The following RIMS2 variants were observed in gnomAD, a reference collection of about 807,000 sequenced individuals.
RIMS2 encodes the protein regulating synaptic membrane exocytosis 2.
In RIMS2, 59 loss-of-function variants were observed where a neutral mutation model predicts 174.4. The ratio of observed to expected loss-of-function variants is 0.34; its 90% CI spans 0.27 to 0.42. The LOEUF (loss-of-function observed/expected upper bound fraction) is 0.42, where lower values mean the gene tolerates loss of function less well. Among genes scored for constraint, RIMS2 ranks in the 10% least tolerant of loss-of-function variants. RIMS2 has a pLI of 1.00. For synonymous variants in RIMS2, 606 were observed against 572.5 expected (o/e 1.06, Z -0.84); for missense variants, 1,620 against 1,666.3 (o/e 0.97, Z 0.48).
At chr8:104,041,122 A>G (rs2096601173) in intron 19 of RIMS2, among the ~76,000 whole-genome samples, 1 of 151,686 alleles carries the variant, frequency 6.6e-6, no homozygotes, top group South Asian at 2.1e-4. Context: ...CCGCTAACCT[A>G]TAGTAACAAA....
chr8:103,863,814 A>G (rs1359283527), intron 3 of RIMS2, among the ~76,000 whole-genome samples: 2 of 149,880 alleles, frequency 1.3e-5, no homozygotes, highest in Admixed American at 6.6e-5. Flanking sequence ...TTCTGATTTG[A>G]GTCTTCTTTT....
At chr8:103,647,774 C>T (rs2096369492) in intron 1 of RIMS2, among the ~76,000 whole-genome samples, 1 of 150,660 alleles carries the variant, frequency 6.6e-6, no homozygotes, top group Non-Finnish European at 1.5e-5. Flanking sequence ...TGATATTCTT[C>T]TTATTTCTGA....
intron 19 of RIMS2, among the ~76,000 whole-genome samples, chr8:104,189,291 G>T (rs191850321): frequency 6.6e-6 from 1 of 151,852 alleles, no homozygotes; most frequent in Non-Finnish European, 1.5e-5. Flanking sequence ...TACAGCTTTT[G>T]GCACTAGAGA....
At chr8:104,044,116 C>T (rs984724649) in intron 19 of RIMS2, among the ~76,000 whole-genome samples, 1 of 151,496 alleles carries the variant, frequency 6.6e-6, no homozygotes, top group African/African-American at 2.4e-5. Flanking sequence ...GTCAACATTC[C>T]ATTCATGATA....
chr8:104,176,667 A>T (rs1187777406), intron 19 of RIMS2, among the ~76,000 whole-genome samples: 1 of 151,172 alleles, frequency 6.6e-6, no homozygotes, highest in Non-Finnish European at 1.5e-5. Flanking sequence ...ATGAATATAT[A>T]ATCATATATT....
chr8:103,559,214 C>T, intron 1 of RIMS2: 1 of 202,662 alleles, frequency 4.9e-6, no homozygotes, highest in South Asian at 7.2e-5. Flanking sequence ...CTTCCTCTTC[C>T]TCCCCACTTC....
At chr8:103,895,101 A>C (rs2099269802) in intron 4 of RIMS2, among the ~76,000 whole-genome samples, 1 of 151,222 alleles carries the variant, frequency 6.6e-6, no homozygotes, top group Non-Finnish European at 1.5e-5. Context: ...TTTTTAAGCA[A>C]TACAATTTAT....
intron 19 of RIMS2, among the ~76,000 whole-genome samples, chr8:104,092,263 A>C (rs192386262): frequency 3.3e-5 from 5 of 151,886 alleles, no homozygotes; most frequent in African/African-American, 1.2e-4. Flanking sequence ...TTATTAAGTA[A>C]TTATTCTTTA....
At chr8:103,905,213 A>T (rs904292418) in intron 4 of RIMS2, among the ~76,000 whole-genome samples, 1 of 151,882 alleles carries the variant, frequency 6.6e-6, no homozygotes, top group African/African-American at 2.4e-5. Flanking sequence ...ATACTTTCAG[A>T]TTCCTTCTTT....
chr8:103,744,165 C>T (rs1249005154), intron 2 of RIMS2, among the ~76,000 whole-genome samples: 1 of 152,156 alleles, frequency 6.6e-6, no homozygotes, highest in African/African-American at 2.4e-5. Context: ...CCTGCTTCAG[C>T]CTCCTGAGTA....
Position 103,766,543 on chromosome 8 carries a change from C to T in RIMS2, c.698+6C>T, listed in dbSNP as rs2098172989. 1.9e-6 allele frequency: 3 copies of T among 1,590,214 alleles called. No individual in the cohort carries two copies. The highest frequency in any genetic ancestry group is 1.3e-5 in the African/African-American group (1 of 74,200). On this transcript the variant is annotated splice_donor_region_variant and intron_variant, in intron 3 of 23. Transcript: ENST00000504942. Reference sequence around the variant, plus strand: ...AGTGACATAGCTTCAGACAGGTAAACATTTTGTTTAATCTTTAGGCAAATG... The same window carrying T: ...AGTGACATAGCTTCAGACAGGTAAATATTTTGTTTAATCTTTAGGCAAATG...
intron 3 of RIMS2, among the ~76,000 whole-genome samples, chr8:103,788,651 G>A (rs1206233609): frequency 2.6e-5 from 4 of 151,914 alleles, no homozygotes; most frequent in Admixed American, 6.6e-5. Context: ...GCTGCGTGCT[G>A]GGAGAACCAC....
downstream of RIMS2, chr8:104,254,649 G>A (rs574875817): frequency 1.3e-5 from 2 of 152,224 alleles, no homozygotes; most frequent in East Asian, 3.9e-4. Context: ...TTTTTTAAAA[G>A]GTTGTTATTT....
At chr8:103,669,154 T>C (rs1375154807) in intron 1 of RIMS2, among the ~76,000 whole-genome samples, 1 of 152,130 alleles carries the variant, frequency 6.6e-6, no homozygotes, top group Admixed American at 6.5e-5. Context: ...TCTTACATGG[T>C]GGCAGGCAAA....
chr8:103,756,992 TGTGTGTGTGTGTGTGTGTGA>T (rs2098024174), intron 2 of RIMS2, among the ~76,000 whole-genome samples: 1 of 139,296 alleles, frequency 7.2e-6, no homozygotes, highest in Non-Finnish European at 1.5e-5. Flanking sequence ...TGTGTGTGTG[TGTGTGTGTGTGTGTGTGTGA>T]GAGAGAGAGA....
intron 1 of RIMS2, among the ~76,000 whole-genome samples, chr8:103,674,664 C>G (rs1451011440): frequency 6.6e-6 from 1 of 151,858 alleles, no homozygotes; most frequent in Non-Finnish European, 1.5e-5. Context: ...TTTCCTATAT[C>G]TAGTAGTTAT....
intron 4 of RIMS2, among the ~76,000 whole-genome samples, chr8:103,891,229 T>C (rs959662927): frequency 4.6e-5 from 7 of 152,016 alleles, no homozygotes; most frequent in Non-Finnish European, 8.8e-5. Flanking sequence ...TAAGGGTAAT[T>C]GTGTTTGGTA....
At chr8:103,911,555 T>A (rs1486460022) in intron 5 of RIMS2, among the ~76,000 whole-genome samples, 1 of 152,176 alleles carries the variant, frequency 6.6e-6, no homozygotes, top group African/African-American at 2.4e-5. Context: ...AAAGCCCTCA[T>A]CATAGGCTCA....
chr8:103,713,255 G>A (rs145237508), intron 2 of RIMS2, among the ~76,000 whole-genome samples: 1 of 152,190 alleles, frequency 6.6e-6, no homozygotes, highest in African/African-American at 2.4e-5. Context: ...CTGACCTCAG[G>A]TGATCTGCCT....
Sources: allele counts gnomAD v4.1 joint callset (sites outside exome capture counted in the v4.1 genomes callset), GRCh38; gene constraint gnomAD v4.1.1; transcripts MANE v1.5; gene names NCBI Gene and HGNC (gene_info 2026-07-23, HGNC 2026-07-21).